Variants in BCKDHB observed in about 807,000 individuals in gnomAD.
BCKDHB encodes 2-oxoisovalerate dehydrogenase subunit beta, mitochondrial.
A neutral mutation model predicts 48.5 loss-of-function variants in BCKDHB; 41 were observed. The ratio of observed to expected loss-of-function variants is 0.85; its 90% CI spans 0.66 to 1.10. BCKDHB has a LOEUF of 1.10. BCKDHB is among the 50% of genes least tolerant of loss of function. The pLI is 0.00. For synonymous variants in BCKDHB, 201 were observed against 174.8 expected (o/e 1.15, Z -1.18); for missense variants, 496 against 494.2 (o/e 1.00, Z -0.03).
chr6:80,290,583 C>T (rs1399158593), intron 9 of BCKDHB, among the ~76,000 whole-genome samples: 1 of 152,202 alleles, frequency 6.6e-6, no homozygotes, highest in Non-Finnish European at 1.5e-5. Context: ...GAGACTACAG[C>T]ACCAAAAATT....
intron 8 of BCKDHB, among the ~76,000 whole-genome samples, chr6:80,240,045 C>T (rs923351990): frequency 2.0e-5 from 3 of 152,122 alleles, no homozygotes; most frequent in African/African-American, 4.8e-5. Flanking sequence ...ATGATGCCTC[C>T]AGCTTTGTTC....
the BCKDHB span, among the ~76,000 whole-genome samples, chr6:80,430,720 A>T: frequency 6.8e-6 from 1 of 146,496 alleles, no homozygotes; most frequent in African/African-American, 2.7e-5. Flanking sequence ...TTTCTTCTTT[A>T]TGAGTCTCGC....
chr6:80,262,958 G>A (rs1209847180), intron 8 of BCKDHB, among the ~76,000 whole-genome samples: 1 of 152,130 alleles, frequency 6.6e-6, no homozygotes, highest in Non-Finnish European at 1.5e-5. Flanking sequence ...AAATCAAATA[G>A]GAATGGATTG....
chr6:80,134,256 A>C (rs1770775018), intron 3 of BCKDHB, among the ~76,000 whole-genome samples: 1 of 152,156 alleles, frequency 6.6e-6, no homozygotes, highest in Non-Finnish European at 1.5e-5. Flanking sequence ...TTTTCATGGG[A>C]CTTGATGTTT....
At chr6:80,234,032 C>T (rs568195420) in intron 8 of BCKDHB, among the ~76,000 whole-genome samples, 7 of 152,114 alleles carry the variant, frequency 4.6e-5, no homozygotes, top group Non-Finnish European at 1.0e-4. Context: ...GAGCGTGCAC[C>T]CTAGATCCCT....
chr6:80,252,387 A>C (rs1776872646), intron 8 of BCKDHB, among the ~76,000 whole-genome samples: 1 of 152,210 alleles, frequency 6.6e-6, no homozygotes, highest in Admixed American at 6.5e-5. Context: ...AATGAATAAG[A>C]CTGTGTCTTG....
chr6:80,449,383 G>A, the BCKDHB span, among the ~76,000 whole-genome samples: 57 of 152,306 alleles, frequency 3.7e-4, no homozygotes, highest in African/African-American at 1.3e-3. Context: ...TAGACTGTGA[G>A]AAAGGAGTGT....
the BCKDHB span, among the ~76,000 whole-genome samples, chr6:80,354,855 A>C: frequency 6.6e-6 from 1 of 152,102 alleles, no homozygotes; most frequent in African/African-American, 2.4e-5. Context: ...CTGTTCCATT[A>C]ATCTATGTGT....
chr6:80,241,683 C>G (rs181664508), intron 8 of BCKDHB, among the ~76,000 whole-genome samples: 21 of 152,274 alleles, frequency 1.4e-4, no homozygotes, highest in South Asian at 2.1e-4. Context: ...TGAAACTTCT[C>G]ATTCCTACAT....
chr6:80,447,059 G>T, the BCKDHB span, among the ~76,000 whole-genome samples: 1 of 152,136 alleles, frequency 6.6e-6, no homozygotes, highest in Non-Finnish European at 1.5e-5. Context: ...CTATCAGCAA[G>T]AGTGATGAAG....
the BCKDHB span, among the ~76,000 whole-genome samples, chr6:80,368,966 T>A: frequency 7.3e-5 from 11 of 151,436 alleles, no homozygotes; most frequent in Non-Finnish European, 1.2e-4. Flanking sequence ...TGAGCCAAGA[T>A]TGTGCCACTG....
chr6:80,296,131 C>T (rs548209634), intron 9 of BCKDHB, among the ~76,000 whole-genome samples: 2 of 152,276 alleles, frequency 1.3e-5, no homozygotes, highest in Admixed American at 1.3e-4. Context: ...TTTCACCTGT[C>T]TATGAGAGTC....
the BCKDHB span, among the ~76,000 whole-genome samples, chr6:80,413,603 A>G: frequency 6.6e-6 from 1 of 152,180 alleles, no homozygotes; most frequent in Non-Finnish European, 1.5e-5. Flanking sequence ...ATCCAACTAC[A>G]TTCATGTTTC....
intron 1 of BCKDHB, among the ~76,000 whole-genome samples, chr6:80,112,791 T>C (rs528880664): frequency 3.3e-5 from 5 of 152,180 alleles, no homozygotes; most frequent in Non-Finnish European, 7.4e-5. Context: ...AATCTTAGAG[T>C]GTCAGACGTC....
At chr6:80,408,456 G>A in the BCKDHB span, among the ~76,000 whole-genome samples, 1 of 151,904 alleles carries the variant, frequency 6.6e-6, no homozygotes, top group Admixed American at 6.6e-5. Context: ...TTAACCTCTG[G>A]TAGAATTCGG....
chr6:80,432,824 CT>C, the BCKDHB span, among the ~76,000 whole-genome samples: 1 of 152,108 alleles, frequency 6.6e-6, no homozygotes, highest in African/African-American at 2.4e-5. Context: ...ATTTATCTAC[CT>C]TTCATCTTCA....
the BCKDHB span, among the ~76,000 whole-genome samples, chr6:80,436,698 T>G: frequency 1.3e-5 from 2 of 152,212 alleles, no homozygotes; most frequent in African/African-American, 2.4e-5. Flanking sequence ...ATAGTGCTTT[T>G]CATATTATAA....
downstream of BCKDHB, among the ~76,000 whole-genome samples, chr6:80,351,018 AC>A (rs1204239520): frequency 6.6e-6 from 1 of 152,204 alleles, no homozygotes; most frequent in Admixed American, 6.5e-5. Context: ...TATACTTTGT[AC>A]CTGAGAAACA....
At chr6:80,202,129 T>C (rs1774426322) in intron 7 of BCKDHB, among the ~76,000 whole-genome samples, 1 of 152,142 alleles carries the variant, frequency 6.6e-6, no homozygotes, top group South Asian at 2.1e-4. Context: ...ATAGGGAGGT[T>C]AGAGTGTATT....
Sources: allele counts gnomAD v4.1 joint callset (sites outside exome capture counted in the v4.1 genomes callset), GRCh38; gene constraint gnomAD v4.1.1; transcripts MANE v1.5; gene names NCBI Gene and HGNC (gene_info 2026-07-23, HGNC 2026-07-21).